Variants in CUBN observed in about 807,000 individuals in gnomAD.
CUBN encodes the protein 460 kDa receptor.
CUBN carries 282 observed loss-of-function variants against 405.3 expected under a neutral mutation model. The observed-to-expected ratio is 0.70, with a 90% CI of 0.63 to 0.77. The LOEUF is 0.77. CUBN is among the 30% of genes least tolerant of loss of function. The pLI is 0.00. For missense variants in CUBN, 4,514 were observed against 4,475.2 expected (o/e 1.01, Z -0.25); for synonymous variants, 1,684 against 1,617.0 (o/e 1.04, Z -0.99).
At chr10:17,016,424 C>A (rs568447067) in intron 28 of CUBN, among the ~76,000 whole-genome samples, 1 of 152,254 alleles carries the variant, frequency 6.6e-6, no homozygotes, top group Admixed American at 6.5e-5. Flanking sequence ...CCAGGTATCT[C>A]CAAACTCTTG....
chr10:16,890,563 G>T (rs1840975990), intron 54 of CUBN, 36 bp from the exon 55 acceptor site: 1 of 1,612,192 alleles, frequency 6.2e-7, no homozygotes, highest in African/African-American at 1.3e-5. Context: ...AATGCTCAAG[G>T]GTTTCCCATC....
intron 28 of CUBN, among the ~76,000 whole-genome samples, chr10:17,009,455 C>T (rs1834117983): frequency 6.6e-6 from 1 of 152,214 alleles, no homozygotes; most frequent in East Asian, 1.9e-4. Context: ...CTGGAAGAGC[C>T]CATTGATACA....
At chr10:16,920,979 C>G (rs530837339) in intron 43 of CUBN, among the ~76,000 whole-genome samples, 1 of 152,306 alleles carries the variant, frequency 6.6e-6, no homozygotes, top group South Asian at 2.1e-4. Context: ...TTGATGAGCT[C>G]CAACTCCCTC....
intron 43 of CUBN, among the ~76,000 whole-genome samples, chr10:16,923,113 C>T (rs1369612815): frequency 6.6e-6 from 1 of 152,068 alleles, no homozygotes; most frequent in African/African-American, 2.4e-5. Context: ...GCTGGGATTA[C>T]AGGCGTGAAC....
intron 28 of CUBN, among the ~76,000 whole-genome samples, chr10:17,010,942 G>A (rs567376748): frequency 1.3e-5 from 2 of 152,312 alleles, no homozygotes; most frequent in South Asian, 2.1e-4. Context: ...GCACCAGAAT[G>A]TGAACAATGT....
intron 36 of CUBN, among the ~76,000 whole-genome samples, chr10:16,942,583 T>C (rs10904842): frequency 0.06 from 9,104 of 152,064 alleles, 448 homozygotes; most frequent in East Asian, 0.2. Flanking sequence ...AAATAAGAAG[T>C]GCTGATGAGG....
intron 48 of CUBN, among the ~76,000 whole-genome samples, chr10:16,909,807 G>A (rs772069459): frequency 1.3e-5 from 2 of 152,222 alleles, no homozygotes; most frequent in Non-Finnish European, 2.9e-5. Context: ...AAGCAGGCAC[G>A]TGAGATTTAG....
Position 16,913,935 on chromosome 10 carries a change from T to C in CUBN, c.7409A>G (p.Asn2470Ser), listed in dbSNP as rs750142489. The C allele has an allele frequency of 3.1e-6, 5 of 1,614,008 alleles. No homozygotes were observed. The highest frequency in any genetic ancestry group is 1.6e-4 in the Middle Eastern group (1 of 6,062). Residue 2470 changes from asparagine to serine, a missense_variant, in exon 48 of 67, where the codon AAC becomes AGC. Around this residue, in one of 5 missense-constraint regions of CUBN, gnomAD observed 1,613 missense variants for 1,542.8 expected, o/e 1.05. Coordinates refer to ENST00000377833, the MANE Select transcript of CUBN (RefSeq NM_001081.4). ...IGTFTSPNYP[N>S]PNPHGRICEW... is the part of the protein sequence containing the mutation. ...GCAGATCCGGCCATGAGGATTTGGG[T>C]TCGGGTAGTTGGGAGAAGTAAATGT...
chr10:16,943,632 G>A (rs980734300), intron 36 of CUBN, among the ~76,000 whole-genome samples: 3 of 152,146 alleles, frequency 2.0e-5, no homozygotes, highest in Non-Finnish European at 4.4e-5. Flanking sequence ...TAAATTACAC[G>A]AAGTTGCCTC....
At position 16,825,007 on chromosome 10, in the gene CUBN, G is replaced by T; in HGVS notation, c.10840C>A (p.Pro3614Thr). Residue 3614 changes from proline to threonine, a missense_variant, in exon 67 of 67, where the codon CCA becomes ACA. Pro to Thr is a conservative substitution (Grantham distance 38). Transcript: ENST00000377833. ...IKFHADYARR[P>T]SAFRLTWDS ...TCCCAAGTTAATCGGAATGCGGATG[G>T]ACGCCGTGCATAATCAGCATGAAAT... The T allele has an allele frequency of 1.2e-6, 2 of 1,613,962 alleles. No homozygotes were observed. Among genetic ancestry groups the T allele is most frequent in the Non-Finnish European group, 1.7e-6 (2 of 1,179,948 alleles).
At chr10:17,056,390 C>T (rs1056278714) in intron 22 of CUBN, among the ~76,000 whole-genome samples, 3 of 152,032 alleles carry the variant, frequency 2.0e-5, no homozygotes, top group Admixed American at 2.0e-4. Flanking sequence ...GCGGGCGGAT[C>T]ACAAGGTCAG....
rs750798030 is a variant in CUBN, at chr10:16,948,557, G to A, written c.5130C>T (p.Ser1710=). The change falls in exon 35 of 67, where the codon AGC becomes AGT. Residue 1710 remains serine, a synonymous_variant. Transcript: ENST00000377833. ...DMPHPITSFS[S]ALTLRFVSDS... ...CAGAGACGAATCTCAGCGTCAGGGCGCTGCTGAAGGATGTGATAGGATGGG... is the reference window on the plus strand; with the variant it reads ...CAGAGACGAATCTCAGCGTCAGGGCACTGCTGAAGGATGTGATAGGATGGG... The A allele has an allele frequency of 7.3e-5, 118 of 1,613,888 alleles. No individual in the cohort carries two copies. Among genetic ancestry groups the A allele is most frequent in the African/African-American group, 3.1e-4 (23 of 74,910 alleles).
chr10:17,055,064 G>T (rs538210716), intron 22 of CUBN, among the ~76,000 whole-genome samples: 43 of 152,058 alleles, frequency 2.8e-4, no homozygotes, highest in Non-Finnish European at 5.7e-4. Context: ...CTGAATACAC[G>T]TAAAAGTTAT....
At chr10:16,985,485 G>C (rs957213182) in intron 29 of CUBN, among the ~76,000 whole-genome samples, 1 of 152,126 alleles carries the variant, frequency 6.6e-6, no homozygotes, top group African/African-American at 2.4e-5. Context: ...CTTCAAGTCC[G>C]TGTGTGACCT....
rs952557934 is a variant in CUBN, at chr10:16,933,366, C to A, written c.5927-82G>T. Reference sequence around the variant, plus strand: ...GCACTTTTTCACTTGAAAGTGACAGCCCTCTACTGAAAAGAAGCAACCAAT... The same window carrying A: ...GCACTTTTTCACTTGAAAGTGACAGACCTCTACTGAAAAGAAGCAACCAAT... On this transcript the variant is annotated intron_variant, in intron 39 of 66. Transcript: ENST00000377833. The A allele has an allele frequency of 2.8e-5, 36 of 1,267,812 alleles. No individual in the cohort carries two copies. In the African/African-American group the frequency reaches 4.3e-4, roughly 15 times the overall value. 78.5% of individuals were successfully genotyped at this position (1,267,812 alleles called of 1,614,324 possible).
At chr10:16,829,361 A>G (rs1838903826) in intron 65 of CUBN, among the ~76,000 whole-genome samples, 1 of 150,680 alleles carries the variant, frequency 6.6e-6, no homozygotes, top group Non-Finnish European at 1.5e-5. Context: ...AAAAAAAACA[A>G]ACTTGATAAA....
intron 62 of CUBN, among the ~76,000 whole-genome samples, chr10:16,836,794 T>C (rs1272248886): frequency 6.6e-6 from 1 of 152,174 alleles, no homozygotes; most frequent in African/African-American, 2.4e-5. Flanking sequence ...CAGCCCTTGC[T>C]ACCCCTTAGC....
intron 22 of CUBN, among the ~76,000 whole-genome samples, chr10:17,058,530 C>T (rs931464626): frequency 5.3e-5 from 8 of 152,048 alleles, no homozygotes; most frequent in Non-Finnish European, 1.2e-4. Flanking sequence ...GGGACCCCTG[C>T]TACACGTATT....
At chr10:17,020,408 G>A (rs975851666) in intron 27 of CUBN, among the ~76,000 whole-genome samples, 2 of 151,918 alleles carry the variant, frequency 1.3e-5, no homozygotes, top group Admixed American at 1.3e-4. Context: ...TATTTATAGG[G>A]TACATGAGAT....
Sources: allele counts gnomAD v4.1 joint callset (sites outside exome capture counted in the v4.1 genomes callset), GRCh38; gene constraint gnomAD v4.1.1; regional missense constraint gnomAD v4.1.1; transcripts MANE v1.5; gene names NCBI Gene and HGNC (gene_info 2026-07-23, HGNC 2026-07-21).